Variants in ANKFN1 observed in about 807,000 individuals in gnomAD.
ANKFN1 encodes the protein ankyrin repeat and fibronectin type III domain containing 1.
A neutral mutation model predicts 108.7 loss-of-function variants in ANKFN1; 74 were observed. That is an observed-to-expected ratio of 0.68 (90% confidence interval 0.56 to 0.83). The LOEUF (loss-of-function observed/expected upper bound fraction) is 0.83, where lower values mean the gene tolerates loss of function less well. ANKFN1 is among the 40% of genes least tolerant of loss of function. The pLI is 0.00. For synonymous variants in ANKFN1, 547 were observed against 516.2 expected, an observed-to-expected ratio of 1.06 and a Z score of -0.81; for missense variants, 1,505 against 1,382.3, an observed-to-expected ratio of 1.09 and a Z score of -1.41.
chr17:56,120,111 AT>A (rs1304497989), intron 4 of ANKFN1, among the ~76,000 whole-genome samples: 4 of 151,946 alleles, frequency 2.6e-5, no homozygotes, highest in Non-Finnish European at 4.4e-5. Context: ...ACATGTATTC[AT>A]TTTTTCAACA....
intron 6 of ANKFN1, among the ~76,000 whole-genome samples, chr17:56,359,066 C>T (rs1361016120): frequency 6.6e-6 from 1 of 152,160 alleles, no homozygotes; most frequent in African/African-American, 2.4e-5. Context: ...TGGTCACTCA[C>T]AGAGATTTTA....
At chr17:56,095,139 A>G (rs1339350741) in intron 4 of ANKFN1, among the ~76,000 whole-genome samples, 2 of 151,146 alleles carry the variant, frequency 1.3e-5, no homozygotes, top group African/African-American at 4.9e-5. Flanking sequence ...TAGGGCCTAC[A>G]TCAACACTTG....
rs1914499100 is a variant in ANKFN1, at chr17:56,205,985, C to A, written c.-70-6613C>A. Among the ~76,000 whole-genome samples, 5 of 152,254 alleles carry A rather than the reference C, an allele frequency of 3.3e-5. No homozygotes were observed. In the South Asian group the frequency reaches 1.0e-3, roughly 32 times the overall value. The stretch of plus-strand genomic sequence containing the variant: ...ATGCTTCCATCCACATTTTCCCTGC[C>A]ATTTTGAAATTTATTTTTCTGCTTT... On this transcript the variant is annotated intron_variant, in intron 1 of 20. Coordinates refer to ENST00000682825, the MANE Select transcript of ANKFN1 (RefSeq NM_001370326.1).
intron 11 of ANKFN1, among the ~76,000 whole-genome samples, chr17:56,451,388 A>G (rs1013443989): frequency 6.6e-6 from 1 of 152,206 alleles, no homozygotes; most frequent in South Asian, 2.1e-4. Flanking sequence ...ATGATTTAAC[A>G]TAACCCTTAA....
At chr17:56,215,381 T>C (rs1915345903) in intron 2 of ANKFN1, among the ~76,000 whole-genome samples, 1 of 152,146 alleles carries the variant, frequency 6.6e-6, no homozygotes. Context: ...CCCTACAGGG[T>C]TATTGTGTGA....
chr17:56,047,946 A>G (rs544583889), intron 4 of ANKFN1, among the ~76,000 whole-genome samples: 2 of 152,326 alleles, frequency 1.3e-5, no homozygotes, highest in East Asian at 3.9e-4. Context: ...AATGCATTGC[A>G]GAAACGTTAC....
intron 6 of ANKFN1, among the ~76,000 whole-genome samples, chr17:56,354,388 TGTATCCACA>T (rs1042502883): frequency 6.6e-6 from 1 of 152,110 alleles, no homozygotes; most frequent in Non-Finnish European, 1.5e-5. Context: ...GTTTCTGTTT[TGTATCCACA>T]GTCAATGCGG....
intron 7 of ANKFN1, among the ~76,000 whole-genome samples, chr17:56,374,219 G>A (rs2144777877): frequency 6.6e-6 from 1 of 152,260 alleles, no homozygotes; most frequent in Admixed American, 6.5e-5. Flanking sequence ...ACCAAGGAGG[G>A]CTGCAAAAAG....
chr17:56,441,263 G>T (rs1425278164), intron 9 of ANKFN1, among the ~76,000 whole-genome samples: 1 of 151,976 alleles, frequency 6.6e-6, no homozygotes, highest in Admixed American at 6.6e-5. Context: ...GGGAAGTAGA[G>T]GGATAATTTT....
chr17:56,127,951 C>T (rs574907857), intron 4 of ANKFN1, among the ~76,000 whole-genome samples: 1 of 152,200 alleles, frequency 6.6e-6, no homozygotes, highest in African/African-American at 2.4e-5. Flanking sequence ...GGCTTCTGCA[C>T]CTGCTATGTA....
chr17:56,508,556 T>C (rs1051277905), intron 20 of ANKFN1, among the ~76,000 whole-genome samples: 11 of 152,160 alleles, frequency 7.2e-5, no homozygotes, highest in Non-Finnish European at 1.2e-4. Context: ...TTATCGTTTG[T>C]ATATTTACTA....
chr17:56,114,195 A>C (rs1906135042), intron 4 of ANKFN1, among the ~76,000 whole-genome samples: 1 of 152,236 alleles, frequency 6.6e-6, no homozygotes, highest in Admixed American at 6.5e-5. Flanking sequence ...ATGAGTCTGC[A>C]AAAGCACCTT....
At chr17:56,432,419 T>C (rs1434812487) in intron 8 of ANKFN1, among the ~76,000 whole-genome samples, 1 of 152,242 alleles carries the variant, frequency 6.6e-6, no homozygotes, top group African/African-American at 2.4e-5. Flanking sequence ...TATAATAAAA[T>C]ATTACTACAC....
At chr17:56,238,736 GTTGT>G (rs1917352984) in intron 3 of ANKFN1, among the ~76,000 whole-genome samples, 1 of 152,042 alleles carries the variant, frequency 6.6e-6, no homozygotes, top group Non-Finnish European at 1.5e-5. Context: ...TTTAATGCAA[GTTGT>G]TTAACTGTAA....
At position 56,457,258 on chromosome 17, in the gene ANKFN1, G is replaced by A. The variant is rs769991200; in HGVS notation, c.1309G>A (p.Gly437Arg). The A allele has an allele frequency of 5.8e-6, 9 of 1,560,236 alleles. No homozygotes were observed. In the African/African-American group the frequency reaches 1.1e-4, roughly 19 times the overall value. The change falls in exon 13 of 21, where the codon GGA becomes AGA. Residue 437 changes from glycine (G) to arginine (R), a missense_variant and splice_region_variant. Coordinates refer to ENST00000682825, the MANE Select transcript of ANKFN1 (RefSeq NM_001370326.1). Reference sequence around the variant, plus strand: ...TTTTATTTTCCTTTTTCTTTTTAGGGGACTCTACATAGCCGTTATATTTTA... The same window carrying A: ...TTTTATTTTCCTTTTTCTTTTTAGGAGACTCTACATAGCCGTTATATTTTA... ...SNKFVKTLKR[G>R]LYIAVIFYYK... is the part of the protein sequence containing the mutation.
chr17:56,049,739 G>T (rs1485896706), intron 4 of ANKFN1, among the ~76,000 whole-genome samples: 1 of 148,042 alleles, frequency 6.8e-6, no homozygotes, highest in Non-Finnish European at 1.5e-5. Flanking sequence ...TTTTATGGCT[G>T]CATAGTATTC....
At position 56,495,334 on chromosome 17, in the gene ANKFN1, T is replaced by TCTCA. The variant is rs990233879; in HGVS notation, c.2427+2997_2427+3000dup. On this transcript the variant is annotated intron_variant, in intron 19 of 20. Coordinates refer to ENST00000682825, the MANE Select transcript of ANKFN1 (RefSeq NM_001370326.1). ...TGTGGTCTCTCTCTCTCTCTCTCTCTCTCACTCACTCACTCACTCTGTCTC... is the reference window on the plus strand; with the variant it reads ...TGTGGTCTCTCTCTCTCTCTCTCTCTCTCACTCACTCACTCACTCACTCTGTCTC... Among the ~76,000 whole-genome samples, 37 of 151,550 alleles carry TCTCA rather than the reference T, an allele frequency of 2.4e-4. 1 individual carries two copies. Among genetic ancestry groups the TCTCA allele is most frequent in the Non-Finnish European group, 4.6e-4 (31 of 67,880 alleles).
At chr17:56,432,432 A>G (rs1259520781) in intron 8 of ANKFN1, among the ~76,000 whole-genome samples, 3 of 152,264 alleles carry the variant, frequency 2.0e-5, no homozygotes, top group Non-Finnish European at 4.4e-5. Context: ...TACTACACAT[A>G]GTAATAAAAT....
chr17:56,129,839 C>T (rs974603286), intron 4 of ANKFN1, among the ~76,000 whole-genome samples: 2 of 152,098 alleles, frequency 1.3e-5, no homozygotes, highest in African/African-American at 4.8e-5. Flanking sequence ...AATTCCACAA[C>T]CTAAATGATC....
Sources: gnomAD v4.1 joint callset for allele counts (sites outside exome capture counted in the v4.1 genomes callset) on GRCh38, gnomAD v4.1.1 for gene constraint, MANE v1.5 for transcripts, NCBI Gene and HGNC (gene_info 2026-07-23, HGNC 2026-07-21) for gene names.